ARHGAP5: variants seen among roughly 807,000 people sequenced by gnomAD.
The protein encoded by ARHGAP5 is rho GTPase-activating protein 5.
ARHGAP5 carries 23 observed loss-of-function variants against 116.6 expected under a neutral mutation model. The observed-to-expected ratio is 0.20, with a 90% CI of 0.14 to 0.28. The LOEUF (loss-of-function observed/expected upper bound fraction) is 0.28. Among genes scored for constraint, ARHGAP5 ranks in the 10% least tolerant of loss-of-function variants. The pLI, the probability that ARHGAP5 is intolerant of heterozygous loss-of-function variation, is 1.00. For missense variants in ARHGAP5, 1,405 were observed against 1,774.8 expected (o/e 0.79, Z 3.74); for synonymous variants, 574 against 602.0 (o/e 0.95, Z 0.68).
chr14:32,078,903 A>G (rs1197471787), intron 1 of ARHGAP5, among the ~76,000 whole-genome samples: 1 of 152,226 alleles, frequency 6.6e-6, no homozygotes, highest in Non-Finnish European at 1.5e-5. Context: ...GTAGATAAGT[A>G]TTACTAACCG....
At chr14:32,151,451 T>C (rs1881634644) in intron 5 of ARHGAP5, among the ~76,000 whole-genome samples, 1 of 152,208 alleles carries the variant, frequency 6.6e-6, no homozygotes, top group Non-Finnish European at 1.5e-5. Flanking sequence ...ATAAGCAAAA[T>C]GGATTACAAG....
In ARHGAP5 at chr14:32,091,162, G is replaced by A; in HGVS notation, c.493G>A (p.Val165Ile). ...AGATGGATTTTTATTATGCATTGATGTAAGTCAAGGATGCAATAGGAAGTT... is the reference window on the plus strand; with the variant it reads ...AGATGGATTTTTATTATGCATTGATATAAGTCAAGGATGCAATAGGAAGTT... ...NVDGFLLCID[V>I]SQGCNRKFDD... Residue 165 changes from valine (V) to isoleucine (I), a missense_variant, in exon 2 of 7, where the codon GTA becomes ATA. Val to Ile is a conservative substitution (Grantham distance 29, BLOSUM62 3). Around this residue, in one of 6 missense-constraint regions of ARHGAP5, gnomAD observed 190 missense variants for 314.9 expected, o/e 0.60. Transcript: ENST00000345122. 1.9e-6 allele frequency: 3 copies of A among 1,613,642 alleles called. No homozygotes were observed. Among genetic ancestry groups the A allele is most frequent in the East Asian group, 2.2e-5 (1 of 44,872 alleles).
intron 5 of ARHGAP5, 71 bp from the exon 6 acceptor site, chr14:32,152,352 G>A: frequency 1.0e-6 from 1 of 997,264 alleles, no homozygotes; most frequent in South Asian, 1.5e-5. Flanking sequence ...AGTAAATATA[G>A]CAGGAAGCTT....
intron 4 of ARHGAP5, 67 bp from the exon 5 acceptor site, chr14:32,149,835 A>G (rs1881560421): frequency 3.2e-6 from 3 of 930,770 alleles, no homozygotes; most frequent in Admixed American, 3.9e-5. Flanking sequence ...TCTAAAAGTA[A>G]CCATTTAGCT....
At chr14:32,088,341 G>C (rs2041851410) in intron 1 of ARHGAP5, among the ~76,000 whole-genome samples, 1 of 151,762 alleles carries the variant, frequency 6.6e-6, no homozygotes, top group African/African-American at 2.4e-5. Context: ...ACATTTTAAA[G>C]TATATCATCT....
chr14:32,128,617 G>C (rs924390703), intron 3 of ARHGAP5, among the ~76,000 whole-genome samples: 9 of 152,314 alleles, frequency 5.9e-5, no homozygotes, highest in African/African-American at 2.2e-4. Flanking sequence ...TGGGCTCGCC[G>C]CGCCTGGCCG....
chr14:32,099,553 A>G (rs2139034696), intron 2 of ARHGAP5, among the ~76,000 whole-genome samples: 1 of 152,250 alleles, frequency 6.6e-6, no homozygotes. Context: ...CTTCCCTTGG[A>G]GTTGTGGTAG....
chr14:32,147,894 T>C (rs1266849246), intron 4 of ARHGAP5, among the ~76,000 whole-genome samples: 1 of 152,202 alleles, frequency 6.6e-6, no homozygotes, highest in Non-Finnish European at 1.5e-5. Context: ...GGCTCACCCC[T>C]GTAATCCTAG....
chr14:32,144,564 A>T (rs547025204), intron 3 of ARHGAP5, among the ~76,000 whole-genome samples: 1 of 151,838 alleles, frequency 6.6e-6, no homozygotes, highest in South Asian at 2.1e-4. Context: ...GCTCACTGCA[A>T]CCTCTGCCTC....
chr14:32,114,417 G>A (rs570518949), intron 2 of ARHGAP5, among the ~76,000 whole-genome samples: 166 of 152,314 alleles, frequency 1.1e-3, no homozygotes, highest in South Asian at 6.2e-4. Context: ...CCTCAACTTT[G>A]AGGTTATAGT....
In ARHGAP5 at chr14:32,094,123, A is replaced by G; in HGVS notation, c.3454A>G (p.Lys1152Glu). The G allele has an allele frequency of 6.2e-7, 1 of 1,613,920 alleles. No individual in the cohort carries two copies. The highest frequency in any genetic ancestry group is 8.5e-7 in the Non-Finnish European group (1 of 1,179,952). ...AAGTCATGGGGAACGGAGGCCTTCAAAATACAAATATAAATCTAAAACCTT... is the reference window on the plus strand; with the variant it reads ...AAGTCATGGGGAACGGAGGCCTTCAGAATACAAATATAAATCTAAAACCTT... ...SKSHGERRPS[K>E]YKYKSKTLFS... The change falls in exon 2 of 7, where the codon AAA becomes GAA. Residue 1152 changes from lysine (K) to glutamate (E), a missense_variant. This residue lies in a region of ARHGAP5 where 944 missense variants were observed against 1,095.3 expected (regional missense o/e 0.86). Transcript: ENST00000345122.
intron 3 of ARHGAP5, 72 bp downstream of exon 3, chr14:32,117,359 T>A (rs1427793142): frequency 5.1e-6 from 7 of 1,360,678 alleles, no homozygotes; most frequent in Non-Finnish European, 7.1e-6. Context: ...GTTTGTCAAA[T>A]GTTTGTGATT....
intron 3 of ARHGAP5, among the ~76,000 whole-genome samples, chr14:32,131,456 T>C (rs1880488863): frequency 6.6e-6 from 1 of 152,128 alleles, no homozygotes; most frequent in South Asian, 2.1e-4. Flanking sequence ...TCTCTAGAAC[T>C]TTTGCATTTG....
intron 3 of ARHGAP5, among the ~76,000 whole-genome samples, chr14:32,138,218 GT>G (rs780190986): frequency 9.9e-5 from 15 of 151,906 alleles, no homozygotes; most frequent in Non-Finnish European, 1.5e-5. Flanking sequence ...TAACTTTTAT[GT>G]GTTGATCTTG....
chr14:32,127,655 G>A (rs61257813), intron 3 of ARHGAP5, among the ~76,000 whole-genome samples: 30,932 of 152,042 alleles, frequency 0.2, 3,512 homozygotes, highest in African/African-American at 0.31. Flanking sequence ...AACCGCCATC[G>A]TCATCATGGC....
At chr14:32,152,635 C>T in intron 6 of ARHGAP5, 107 bp downstream of exon 6, 1 of 562,254 alleles carries the variant, frequency 1.8e-6, no homozygotes, top group South Asian at 2.9e-5. Context: ...GGGACTCAGA[C>T]TAAACATATA....
In ARHGAP5 at chr14:32,117,128, G is replaced by C. The variant is rs1879643762; in HGVS notation, c.3718-12G>C. The C allele has an allele frequency of 6.4e-7, 1 of 1,573,912 alleles. No homozygotes were observed. The highest frequency in any genetic ancestry group is 2.2e-5 in the East Asian group (1 of 44,524). On this transcript the variant is annotated splice_polypyrimidine_tract_variant and intron_variant, in intron 2 of 6. Transcript: ENST00000345122. ...ATTTTAATAGTGTTAACTTAAATATGTTTTCTTATAGCAGAAAAAGAAAAC... is the reference window on the plus strand; with the variant it reads ...ATTTTAATAGTGTTAACTTAAATATCTTTTCTTATAGCAGAAAAAGAAAAC...
rs1473924661 is a variant in ARHGAP5, at chr14:32,092,688, A to T, written c.2019A>T (p.Glu673Asp). The change falls in exon 2 of 7, where the codon GAA becomes GAT. Residue 673 changes from glutamate to aspartate, a missense_variant. Physicochemically the swap from Glu to Asp is conservative, Grantham distance 45. Transcript: ENST00000345122. This position sits in a 1 kb window ranked among gnomAD's most constrained non-coding sequence, Gnocchi z 4.1. Reference protein sequence around the residue: ...NSIESLSFIGEFIGKIRTEAS... With the variant: ...NSIESLSFIGDFIGKIRTEAS... ...TTGAGTCATTGAGTTTTATTGGGGA[A>T]TTTATTGGGAAAATAAGAACTGAAG... The T allele has an allele frequency of 6.2e-7, 1 of 1,613,792 alleles. No individual in the cohort carries two copies. The highest frequency in any genetic ancestry group is 1.3e-5 in the African/African-American group (1 of 74,894).
At chr14:32,116,123 C>T (rs1879564589) in intron 2 of ARHGAP5, among the ~76,000 whole-genome samples, 1 of 141,408 alleles carries the variant, frequency 7.1e-6, no homozygotes, top group South Asian at 2.2e-4. Context: ...CCCGTCTCTA[C>T]TAAAAATACA....
Sources: gnomAD v4.1 joint callset for allele counts (sites outside exome capture counted in the v4.1 genomes callset) on GRCh38, gnomAD v4.1.1 for gene constraint, gnomAD v4.1.1 regional missense constraint, Gnocchi (gnomAD v3.1) non-coding constraint, MANE v1.5 for transcripts, NCBI Gene and HGNC (gene_info 2026-07-23, HGNC 2026-07-21) for gene names.